Variants in RAB11FIP3 observed in about 807,000 individuals in gnomAD.
The protein encoded by RAB11FIP3 is rab11 family-interacting protein 3.
RAB11FIP3 carries 17 observed loss-of-function variants against 77.8 expected under a neutral mutation model. The observed-to-expected ratio is 0.22, with a 90% confidence interval of 0.15 to 0.33. RAB11FIP3 has a LOEUF of 0.33. RAB11FIP3 is among the 10% of genes least tolerant of loss of function. The probability of loss-of-function intolerance (pLI) is 1.00; values close to 1 mark genes in which losing one functional copy is unlikely to be tolerated. For synonymous variants in RAB11FIP3, 437 were observed against 448.2 expected, an observed-to-expected ratio of 0.98 and a Z score of 0.31; for missense variants, 1,005 against 1,011.2, an observed-to-expected ratio of 0.99 and a Z score of 0.08.
intron 1 of RAB11FIP3, among the ~76,000 whole-genome samples, chr16:438,690 A>T (rs1386445620): frequency 1.4e-5 from 2 of 140,264 alleles, no homozygotes; most frequent in African/African-American, 2.6e-5. Flanking sequence ...GGCCTTTTAA[A>T]TTTTTTTTTT....
Position 492,448 on chromosome 16 carries a change from AGGGCCCT to A in RAB11FIP3, c.1265+3449_1265+3455del, listed in dbSNP as rs1567392294. 3.8e-5 allele frequency among the ~76,000 whole-genome samples: 5 copies of A among 132,764 alleles called. 2 individuals carry two copies. Among genetic ancestry groups the A allele is most frequent in the African/African-American group, 1.5e-4 (5 of 32,436 alleles). The allele number at this position is 132,764 out of a possible 152,430, so 87.1% of individuals were successfully genotyped here. ...CTCCCCGGGAGACCCGAGGCCGCCC[AGGGCCCT>A]TCCCGGGGAGACCCGAGGCCGCCCA... On this transcript the variant is annotated intron_variant, in intron 5 of 13. Transcript: ENST00000262305.
intron 1 of RAB11FIP3, among the ~76,000 whole-genome samples, chr16:438,691 T>A (rs1300190357): frequency 6.3e-5 from 2 of 31,788 alleles, no homozygotes; most frequent in Non-Finnish European, 1.3e-4. Flanking sequence ...GCCTTTTAAA[T>A]TTTTTTTTTT....
chr16:501,990 C>T (rs576260606), intron 6 of RAB11FIP3, among the ~76,000 whole-genome samples: 12 of 151,882 alleles, frequency 7.9e-5, no homozygotes, highest in African/African-American at 2.7e-4. Flanking sequence ...GGGAGAGGGT[C>T]CCCCCATTTC....
Position 521,055 on chromosome 16 carries a change from C to T in RAB11FIP3, c.*216C>T. 3.4e-6 allele frequency: 2 copies of T among 588,446 alleles called. No individual in the cohort carries two copies. The highest frequency in any genetic ancestry group is 5.6e-5 in the East Asian group (2 of 35,628). 36.5% of individuals were successfully genotyped at this position (588,446 alleles called of 1,614,324 possible). A position where few individuals can be genotyped will look rare whatever the true frequency, so the allele number is the denominator to read the frequency against. On this transcript the variant is annotated 3_prime_UTR_variant, in exon 14 of 14. Coordinates refer to ENST00000262305, the MANE Select transcript of RAB11FIP3 (RefSeq NM_014700.4). The stretch of plus-strand genomic sequence containing the variant: ...AGAGGGAGAAAGGGAAGTCCCAGGG[C>T]CCGGGGTCCACAGAGGATGAGGGTT...
intron 1 of RAB11FIP3, among the ~76,000 whole-genome samples, chr16:452,128 G>A (rs1567364231): frequency 1.3e-5 from 2 of 152,094 alleles, no homozygotes; most frequent in Non-Finnish European, 2.9e-5. Flanking sequence ...TCCAGCCTGG[G>A]CGACAAGAGT....
intron 8 of RAB11FIP3, among the ~76,000 whole-genome samples, chr16:508,951 T>A (rs2141877066): frequency 6.6e-6 from 1 of 152,046 alleles, no homozygotes; most frequent in Non-Finnish European, 1.5e-5. Context: ...TTGCCCAGGC[T>A]GTAGTGCAGT....
intron 1 of RAB11FIP3, among the ~76,000 whole-genome samples, chr16:454,600 A>G (rs957625791): frequency 6.6e-5 from 10 of 151,866 alleles, no homozygotes; most frequent in Admixed American, 2.6e-4. Flanking sequence ...GCAAAAACCA[A>G]AAAAACCCAC....
intron 7 of RAB11FIP3, among the ~76,000 whole-genome samples, chr16:504,114 TCCTCCTGTACCCCCC>T (rs2031696240): frequency 1.0e-4 from 4 of 38,692 alleles, no homozygotes; most frequent in Middle Eastern, 0.038. Flanking sequence ...CCCCCTCACC[TCCTCCTGTACCCCCC>T]CACCTCCTCC....
At chr16:487,071 G>A (rs1046822766) in intron 4 of RAB11FIP3, among the ~76,000 whole-genome samples, 7 of 152,054 alleles carry the variant, frequency 4.6e-5, no homozygotes, top group South Asian at 2.1e-4. Context: ...GACAGGCAGC[G>A]CCAAGTTGAA....
chr16:521,074 G>T lies in RAB11FIP3; in HGVS notation c.*235G>T. 1 of 580,936 alleles carries T rather than the reference G, an allele frequency of 1.7e-6. No individual in the cohort carries two copies. The highest frequency in any genetic ancestry group is 2.1e-5 in the South Asian group (1 of 48,738). 36.0% of individuals were successfully genotyped at this position (580,936 alleles called of 1,614,324 possible). On this transcript the variant is annotated 3_prime_UTR_variant, in exon 14 of 14. Coordinates refer to ENST00000262305, the MANE Select transcript of RAB11FIP3 (RefSeq NM_014700.4). ...CCAGGGCCCGGGGTCCACAGAGGAT[G>T]AGGGTTGTGGCAGGGCCGTCCATCA...
chr16:448,181 G>T (rs958516605), intron 1 of RAB11FIP3, among the ~76,000 whole-genome samples: 33 of 151,456 alleles, frequency 2.2e-4, no homozygotes, highest in African/African-American at 7.8e-4. Context: ...GCCGAGCGTG[G>T]TGGCGCGCAT....
At position 521,491 on chromosome 16, in the gene RAB11FIP3, T is replaced by G. The variant is rs1011300316; in HGVS notation, c.*652T>G. On this transcript the variant is annotated 3_prime_UTR_variant, in exon 14 of 14. Coordinates refer to ENST00000262305, the MANE Select transcript of RAB11FIP3 (RefSeq NM_014700.4). ...CGGGCCATTGCCCAGCCAGATGTGG[T>G]CACCTCAGTCCAGCTCTGGGGCCTC... The G allele has an allele frequency of 6.5e-6, 1 of 153,516 alleles. No individual in the cohort carries two copies. The highest frequency in any genetic ancestry group is 1.5e-5 in the Non-Finnish European group (1 of 68,926). 9.5% of individuals were successfully genotyped at this position (153,516 alleles called of 1,614,324 possible). A position where few individuals can be genotyped will look rare whatever the true frequency, so the allele number is the denominator to read the frequency against.
intron 5 of RAB11FIP3, among the ~76,000 whole-genome samples, chr16:493,828 G>A (rs893613653): frequency 4.1e-5 from 6 of 147,660 alleles, no homozygotes; most frequent in East Asian, 2.1e-4. Flanking sequence ...TCCGGACCTC[G>A]TGATCCGCCC....
intron 4 of RAB11FIP3, among the ~76,000 whole-genome samples, chr16:487,193 C>T (rs536047051): frequency 2.0e-5 from 3 of 150,392 alleles, no homozygotes; most frequent in Admixed American, 6.6e-5. Flanking sequence ...TGCAGTGGCG[C>T]GATCTCGGCT....
chr16:448,465 G>A (rs1368438615), intron 1 of RAB11FIP3, among the ~76,000 whole-genome samples: 8 of 150,652 alleles, frequency 5.3e-5, no homozygotes, highest in South Asian at 4.2e-4. Context: ...GGCCGGGCGC[G>A]GTGGCTCATG....
At chr16:455,485 AAAAG>A (rs1051773874) in intron 1 of RAB11FIP3, among the ~76,000 whole-genome samples, 43 of 152,158 alleles carry the variant, frequency 2.8e-4, no homozygotes, top group African/African-American at 7.7e-4. Context: ...AAAAAAAAAA[AAAAG>A]AATTGAGAAC....
Position 510,872 on chromosome 16 carries a change from C to G in RAB11FIP3, c.1640+72C>G, listed in dbSNP as rs1351010396. The G allele has an allele frequency of 1.9e-6, 3 of 1,542,350 alleles. No homozygotes were observed. The African/African-American group carries it at 4.2e-5, about 21-fold the overall frequency. On this transcript the variant is annotated intron_variant, in intron 9 of 13. Transcript: ENST00000262305. ...GTAGGAGACGGTCCCCAACAGCCCGCCAGCCCCAGAAACTGCAGGCCAGGT... is the reference window on the plus strand; with the variant it reads ...GTAGGAGACGGTCCCCAACAGCCCGGCAGCCCCAGAAACTGCAGGCCAGGT...
chr16:441,950 T>G (rs995461020), intron 1 of RAB11FIP3, among the ~76,000 whole-genome samples: 1 of 152,208 alleles, frequency 6.6e-6, no homozygotes, highest in African/African-American at 2.4e-5. Context: ...GCCATTCTCC[T>G]GCCTCAGCCT....
At chr16:436,518 G>T (rs1257265817) in intron 1 of RAB11FIP3, among the ~76,000 whole-genome samples, 1 of 152,078 alleles carries the variant, frequency 6.6e-6, no homozygotes, top group Non-Finnish European at 1.5e-5. Flanking sequence ...GTTTGGCCCT[G>T]TTGCCCAGGG....
Sources: allele counts gnomAD v4.1 joint callset (sites outside exome capture counted in the v4.1 genomes callset), GRCh38; gene constraint gnomAD v4.1.1; transcripts MANE v1.5; gene names NCBI Gene and HGNC (gene_info 2026-07-23, HGNC 2026-07-21).